SGCD: variants seen among roughly 807,000 people sequenced by gnomAD.
SGCD encodes the protein sarcoglycan delta.
SGCD carries 18 observed loss-of-function variants against 36.6 expected under a neutral mutation model. The ratio of observed to expected loss-of-function variants is 0.49; its 90% CI spans 0.34 to 0.73. The LOEUF (loss-of-function observed/expected upper bound fraction) is 0.73. Among genes scored for constraint, SGCD ranks in the 30% least tolerant of loss-of-function variants. SGCD has a pLI of 0.01. For synonymous variants in SGCD, 133 were observed against 130.6 expected (o/e 1.02, Z -0.12); for missense variants, 387 against 346.7 (o/e 1.12, Z -0.92).
chr5:156,672,061 A>G (rs1323659864), intron 7 of SGCD, among the ~76,000 whole-genome samples: 1 of 152,180 alleles, frequency 6.6e-6, no homozygotes, highest in East Asian at 1.9e-4. Context: ...TGGGAGCCAC[A>G]TTTTAATATA....
intron 3 of SGCD, among the ~76,000 whole-genome samples, chr5:156,250,548 G>A (rs1338524013): frequency 6.6e-6 from 1 of 152,138 alleles, no homozygotes; most frequent in Non-Finnish European, 1.5e-5. Context: ...GGCTCACACT[G>A]CTCTAGTCCA....
At chr5:156,495,235 T>C (rs978862397) in intron 3 of SGCD, among the ~76,000 whole-genome samples, 2 of 152,108 alleles carry the variant, frequency 1.3e-5, no homozygotes, top group African/African-American at 2.4e-5. Flanking sequence ...TAAACATAAT[T>C]GCATAAATTG....
intron 1 of SGCD, among the ~76,000 whole-genome samples, chr5:155,930,059 T>C (rs1757071805): frequency 6.6e-6 from 1 of 152,206 alleles, no homozygotes; most frequent in African/African-American, 2.4e-5. Flanking sequence ...CAATGAGGTC[T>C]CACTTGTTTT....
chr5:156,413,959 A>T (rs564369940), intron 3 of SGCD, among the ~76,000 whole-genome samples: 2 of 152,262 alleles, frequency 1.3e-5, no homozygotes, highest in Admixed American at 1.3e-4. Flanking sequence ...CTTTCCTTGA[A>T]ATGGTGGTAC....
chr5:155,843,270 AT>A, the SGCD span, among the ~76,000 whole-genome samples: 2 of 152,116 alleles, frequency 1.3e-5, no homozygotes, highest in African/African-American at 4.8e-5. Context: ...AGGATAGCCA[AT>A]TTTTTCCTCA....
intron 1 of SGCD, among the ~76,000 whole-genome samples, chr5:156,014,526 A>G (rs1215279523): frequency 6.6e-6 from 1 of 152,128 alleles, no homozygotes; most frequent in Non-Finnish European, 1.5e-5. Flanking sequence ...ACTTCCCTTA[A>G]TGTTTCAATG....
intron 7 of SGCD, among the ~76,000 whole-genome samples, chr5:156,695,592 T>C (rs1318516908): frequency 6.6e-6 from 1 of 152,154 alleles, no homozygotes; most frequent in Non-Finnish European, 1.5e-5. Context: ...TCTGTTTCCC[T>C]GAAGAACACT....
At chr5:156,267,133 T>C (rs1407710763) in intron 3 of SGCD, among the ~76,000 whole-genome samples, 1 of 152,184 alleles carries the variant, frequency 6.6e-6, no homozygotes, top group African/African-American at 2.4e-5. Context: ...GTATCAAATG[T>C]CACTTATTCA....
chr5:156,677,683 A>G (rs376212288), intron 7 of SGCD, among the ~76,000 whole-genome samples: 2 of 152,124 alleles, frequency 1.3e-5, no homozygotes, highest in Non-Finnish European at 2.9e-5. Flanking sequence ...AACTTAAAGT[A>G]TATAGATAAA....
At chr5:156,291,025 C>T (rs914214814) in intron 3 of SGCD, among the ~76,000 whole-genome samples, 3 of 152,046 alleles carry the variant, frequency 2.0e-5, no homozygotes, top group Non-Finnish European at 4.4e-5. Context: ...GTCTTAGAGC[C>T]GGCCCTTGAC....
At chr5:156,192,933 A>G (rs1159050989) in intron 3 of SGCD, among the ~76,000 whole-genome samples, 2 of 143,772 alleles carry the variant, frequency 1.4e-5, no homozygotes, top group African/African-American at 5.3e-5. Context: ...TAAAAGCAAC[A>G]GTAGACCATA....
At chr5:156,726,622 C>T (rs191161610) in intron 7 of SGCD, among the ~76,000 whole-genome samples, 1 of 152,324 alleles carries the variant, frequency 6.6e-6, no homozygotes, top group African/African-American at 2.4e-5. Context: ...TCTTTATGCT[C>T]CTTCAGCCTG....
intron 6 of SGCD, among the ~76,000 whole-genome samples, chr5:156,609,405 G>A (rs949555406): frequency 2.9e-4 from 44 of 152,288 alleles, no homozygotes; most frequent in African/African-American, 5.8e-4. Flanking sequence ...AGTTTCTGCC[G>A]AGAGATCGGC....
rs558576382 is a variant in SGCD, at chr5:156,360,994, C to T, written c.192+16317C>T. On this transcript the variant is annotated intron_variant, in intron 3 of 8. Coordinates refer to ENST00000337851, the MANE Select transcript of SGCD (RefSeq NM_000337.6). ...TGATTGAGGCAAGGGGTCAATTGAG[C>T]TGCTAACACACTGCCACCTGCAGAT... is the stretch of plus-strand genomic sequence containing the variant. Among the ~76,000 whole-genome samples the T allele has an allele frequency of 7.9e-5, 12 of 152,204 alleles. No homozygotes were observed. The South Asian group carries it at 2.5e-3, about 32-fold the overall frequency.
chr5:156,425,255 C>G (rs1012349488), intron 3 of SGCD, among the ~76,000 whole-genome samples: 1 of 151,956 alleles, frequency 6.6e-6, no homozygotes, highest in African/African-American at 2.4e-5. Context: ...AAGTAACTTA[C>G]CCCAGGTCAC....
chr5:156,579,993 A>C (rs1760176316), intron 4 of SGCD, among the ~76,000 whole-genome samples: 2 of 152,140 alleles, frequency 1.3e-5, no homozygotes, highest in South Asian at 2.1e-4. Flanking sequence ...TAGTTGATGC[A>C]GTTTCTTCCT....
intron 3 of SGCD, among the ~76,000 whole-genome samples, chr5:156,284,657 T>C (rs891208061): frequency 2.0e-5 from 3 of 152,152 alleles, no homozygotes; most frequent in Non-Finnish European, 4.4e-5. Flanking sequence ...AAATTAGGTA[T>C]TGATGGGATG....
chr5:155,962,221 A>T (rs1581014077), intron 1 of SGCD, among the ~76,000 whole-genome samples: 1 of 152,024 alleles, frequency 6.6e-6, no homozygotes, highest in African/African-American at 2.4e-5. Flanking sequence ...GGTTTTACTC[A>T]CTATAAGCCT....
chr5:156,496,181 CT>C (rs1756179138), intron 3 of SGCD, among the ~76,000 whole-genome samples: 1 of 152,104 alleles, frequency 6.6e-6, no homozygotes, highest in Non-Finnish European at 1.5e-5. Flanking sequence ...CTTAATGTTT[CT>C]TCTGTCCAAC....
Sources: allele counts gnomAD v4.1 joint callset (sites outside exome capture counted in the v4.1 genomes callset), GRCh38; gene constraint gnomAD v4.1.1; transcripts MANE v1.5; gene names NCBI Gene and HGNC (gene_info 2026-07-23, HGNC 2026-07-21).